Variants in FBXL13 observed in about 807,000 individuals in gnomAD.
FBXL13 encodes the protein F-box and leucine rich repeat protein 13.
A neutral mutation model predicts 83.6 loss-of-function variants in FBXL13; 67 were observed. The ratio of observed to expected loss-of-function variants is 0.80; its 90% CI spans 0.66 to 0.98. The LOEUF is 0.98. Among genes scored for constraint, FBXL13 ranks in the 50% least tolerant of loss-of-function variants. The pLI is 0.00. For missense variants in FBXL13, 822 were observed against 866.5 expected, an observed-to-expected ratio of 0.95 and a Z score of 0.64; for synonymous variants, 272 against 299.5, an observed-to-expected ratio of 0.91 and a Z score of 0.95.
intron 6 of FBXL13, among the ~76,000 whole-genome samples, chr7:103,008,742 G>A (rs1384192889): frequency 6.6e-6 from 1 of 152,142 alleles, no homozygotes; most frequent in African/African-American, 2.4e-5. Flanking sequence ...ATTTTTAGGA[G>A]AGACAGAGTT....
intron 6 of FBXL13, among the ~76,000 whole-genome samples, chr7:103,010,068 C>A (rs896630900): frequency 1.3e-5 from 2 of 151,830 alleles, no homozygotes; most frequent in Non-Finnish European, 2.9e-5. Flanking sequence ...ACCCCGCCCA[C>A]CCCACTACTG....
At chr7:103,031,840 T>TG (rs1794542131) in intron 2 of FBXL13, among the ~76,000 whole-genome samples, 1 of 152,230 alleles carries the variant, frequency 6.6e-6, no homozygotes, top group African/African-American at 2.4e-5. Flanking sequence ...TTTAGGCCAG[T>TG]GGCCTACAAG....
chr7:102,980,892 A>G (rs1563182089), intron 6 of FBXL13, among the ~76,000 whole-genome samples: 1 of 148,780 alleles, frequency 6.7e-6, no homozygotes, highest in Non-Finnish European at 1.5e-5. Context: ...AACAAAGGAA[A>G]AAATAAATAA....
chr7:102,864,517 C>T lies in FBXL13; in HGVS notation c.1636-9657G>A, dbSNP rs554618917. Among the ~76,000 whole-genome samples, 12 of 152,148 alleles carry T rather than the reference C, an allele frequency of 7.9e-5. No individual in the cohort carries two copies. In the East Asian group the frequency reaches 1.2e-3, roughly 15 times the overall value. Reference sequence around the variant, plus strand: ...CCAAATAGCTGTGATTACAGGCGCCCGCCACCATGCCCAGCTAATTTTTGT... The same window carrying T: ...CCAAATAGCTGTGATTACAGGCGCCTGCCACCATGCCCAGCTAATTTTTGT... On this transcript the variant is annotated intron_variant, in intron 16 of 19. Transcript: ENST00000313221.
chr7:103,058,480 CCAA>C (rs1797550225), intron 1 of FBXL13, among the ~76,000 whole-genome samples: 3 of 152,220 alleles, frequency 2.0e-5, no homozygotes, highest in Non-Finnish European at 4.4e-5. Context: ...TATCTGGAGG[CCAA>C]TCAGACTTCC....
At chr7:103,006,841 A>G (rs1306698455) in intron 6 of FBXL13, among the ~76,000 whole-genome samples, 1 of 151,748 alleles carries the variant, frequency 6.6e-6, no homozygotes, top group Non-Finnish European at 1.5e-5. Flanking sequence ...TATTATAAAA[A>G]TGTTCAAGGA....
intron 11 of FBXL13, among the ~76,000 whole-genome samples, chr7:102,902,955 G>A (rs1017353966): frequency 1.3e-5 from 2 of 151,074 alleles, no homozygotes; most frequent in Non-Finnish European, 2.9e-5. Flanking sequence ...TTCTATTTCT[G>A]TGAAGAATGT....
At chr7:102,930,159 C>T (rs1818905008) in intron 9 of FBXL13, among the ~76,000 whole-genome samples, 1 of 152,000 alleles carries the variant, frequency 6.6e-6, no homozygotes, top group Non-Finnish European at 1.5e-5. Context: ...AAAGAAAAAA[C>T]TAGAAAGATG....
chr7:102,946,494 G>T (rs1281382180), intron 8 of FBXL13, among the ~76,000 whole-genome samples: 1 of 152,152 alleles, frequency 6.6e-6, no homozygotes, highest in Non-Finnish European at 1.5e-5. Flanking sequence ...CCAGGAAAGT[G>T]GGGGAGCACT....
intron 17 of FBXL13, among the ~76,000 whole-genome samples, chr7:102,844,255 C>T (rs1369825859): frequency 6.6e-6 from 1 of 152,160 alleles, no homozygotes; most frequent in Non-Finnish European, 1.5e-5. Flanking sequence ...TAAGAGGGAG[C>T]TATGTTTGGG....
At chr7:103,019,265 T>C (rs144812688) in intron 6 of FBXL13, among the ~76,000 whole-genome samples, 2 of 152,272 alleles carry the variant, frequency 1.3e-5, no homozygotes, top group African/African-American at 2.4e-5. Context: ...AAGATGTTCT[T>C]TGAAACCAAT....
At chr7:102,923,919 ATTGG>A (rs892849710) in intron 10 of FBXL13, among the ~76,000 whole-genome samples, 2 of 152,002 alleles carry the variant, frequency 1.3e-5, no homozygotes, top group Non-Finnish European at 2.9e-5. Context: ...TGCTGAAATA[ATTGG>A]TTACCTATTT....
intron 1 of FBXL13, among the ~76,000 whole-genome samples, chr7:103,057,133 T>C (rs1797416137): frequency 6.6e-6 from 1 of 152,346 alleles, no homozygotes; most frequent in Non-Finnish European, 1.5e-5. Flanking sequence ...CTTTTTCTTA[T>C]ACAGTTAAAA....
At chr7:103,073,387 G>A (rs1287670640) in intron 1 of FBXL13, among the ~76,000 whole-genome samples, 1 of 152,160 alleles carries the variant, frequency 6.6e-6, no homozygotes, top group East Asian at 1.9e-4. Flanking sequence ...GGAGGATGAG[G>A]TGGGAGGATC....
At chr7:103,016,870 A>C (rs1014095282) in intron 6 of FBXL13, among the ~76,000 whole-genome samples, 17 of 152,184 alleles carry the variant, frequency 1.1e-4, no homozygotes, top group Admixed American at 1.1e-3. Flanking sequence ...CAGGAGGCCT[A>C]CCTGCCTCTG....
intron 8 of FBXL13, chr7:102,936,214 C>T (rs1411331338): frequency 6.6e-6 from 1 of 152,212 alleles, no homozygotes; most frequent in African/African-American, 2.4e-5. Flanking sequence ...CTCCAGGTAC[C>T]CACACACGCA....
chr7:103,039,909 C>G (rs1382978538), intron 2 of FBXL13, among the ~76,000 whole-genome samples: 1 of 152,034 alleles, frequency 6.6e-6, no homozygotes, highest in Non-Finnish European at 1.5e-5. Flanking sequence ...TATGAAGAAA[C>G]TGCATCAATT....
At chr7:103,066,414 CAG>C (rs1481101221) in intron 1 of FBXL13, among the ~76,000 whole-genome samples, 3 of 150,032 alleles carry the variant, frequency 2.0e-5, no homozygotes, top group Non-Finnish European at 4.4e-5. Flanking sequence ...TTTTTTGAGA[CAG>C]AGTCTTACTC....
intron 18 of FBXL13, among the ~76,000 whole-genome samples, chr7:102,825,929 G>C (rs770836187): frequency 6.6e-6 from 1 of 152,136 alleles, no homozygotes; most frequent in Non-Finnish European, 1.5e-5. Context: ...ATGGTTACCC[G>C]AGATTGCCAC....
Sources: gnomAD v4.1 joint callset for allele counts (sites outside exome capture counted in the v4.1 genomes callset) on GRCh38, gnomAD v4.1.1 for gene constraint, MANE v1.5 for transcripts, NCBI Gene and HGNC (gene_info 2026-07-23, HGNC 2026-07-21) for gene names.